Variants in AK9 observed in about 807,000 individuals in gnomAD.
The protein encoded by AK9 is adenylate kinase domain containing 1.
In AK9, 191 loss-of-function variants were observed where a neutral mutation model predicts 239.6. The observed-to-expected ratio is 0.80, with a 90% CI of 0.71 to 0.90. The LOEUF is 0.90. Ranked by LOEUF, AK9 falls within the 40% of genes least tolerant of loss-of-function variation. AK9 has a pLI of 0.00. For missense variants in AK9, 1,995 were observed against 2,214.7 expected (o/e 0.90, Z 1.99); for synonymous variants, 689 against 721.0 (o/e 0.96, Z 0.71).
chr6:109,618,527 G>A (rs1794451260), intron 13 of AK9, among the ~76,000 whole-genome samples: 2 of 152,036 alleles, frequency 1.3e-5, no homozygotes, highest in African/African-American at 4.8e-5. Context: ...AGACCACCAG[G>A]ACTTTGGAAA....
intron 15 of AK9, among the ~76,000 whole-genome samples, chr6:109,613,698 T>C (rs1793834618): frequency 1.3e-5 from 2 of 151,300 alleles, no homozygotes; most frequent in Admixed American, 1.3e-4. Context: ...AGCTATTCTA[T>C]AATATATTAC....
At chr6:109,639,353 G>T (rs184477600) in intron 10 of AK9, among the ~76,000 whole-genome samples, 54 of 152,326 alleles carry the variant, frequency 3.5e-4, no homozygotes, top group African/African-American at 1.2e-3. Context: ...TCTAACTGGT[G>T]TGAGATGGTA....
At chr6:109,561,541 T>C (rs1034323519) in intron 24 of AK9, among the ~76,000 whole-genome samples, 2 of 151,658 alleles carry the variant, frequency 1.3e-5, no homozygotes, top group African/African-American at 4.8e-5. Context: ...CTTGAACTCC[T>C]GAGCTGAAGT....
chr6:109,531,041 C>CA (rs1554244695), intron 28 of AK9, among the ~76,000 whole-genome samples: 32 of 144,408 alleles, frequency 2.2e-4, no homozygotes, highest in Admixed American at 6.4e-4. Context: ...GACTCCGTCT[C>CA]AAAAGAAAAG....
At position 109,571,146 on chromosome 6, in the gene AK9, G is replaced by T. The variant is rs148411448; in HGVS notation, c.2344+2296C>A. Among the ~76,000 whole-genome samples, 505 of 152,306 alleles carry T rather than the reference G, an allele frequency of 3.3e-3. 5 individuals carry two copies. Among genetic ancestry groups the T allele is most frequent in the African/African-American group, 0.011 (472 of 41,578 alleles). ...AAAAGTTGCTCAAAGATGTAGACCAGATGACTAAGAGATGAATCAAAATTA... is the reference window on the plus strand; with the variant it reads ...AAAAGTTGCTCAAAGATGTAGACCATATGACTAAGAGATGAATCAAAATTA... On this transcript the variant is annotated intron_variant, in intron 21 of 40. Transcript: ENST00000424296.
rs1229046318 is a variant in AK9, at chr6:109,555,611, A to G, written c.2752-5309T>C. 3.9e-5 allele frequency among the ~76,000 whole-genome samples: 6 copies of G among 152,334 alleles called. No homozygotes were observed. The South Asian group carries it at 1.0e-3, about 26-fold the overall frequency. On this transcript the variant is annotated intron_variant, in intron 24 of 40. Transcript: ENST00000424296. ...GATCTAATACTGACAATGGGGTGTT[A>G]AAGTCTCCCACTATTATTGTGTGGG...
rs57215335 is a variant in AK9 at position 109,682,426 on chromosome 6, C to CAA, written c.-11-6672_-11-6671dup. ...TGGGTGACAGAGCAAGACTCCGTCT[C>CAA]AAAAAAAAAAAAAAAAAATCAATGA... On this transcript the variant is annotated intron_variant, in intron 1 of 40. Transcript: ENST00000424296. Among the ~76,000 whole-genome samples, 8 of 68,532 alleles carry CAA rather than the reference C, an allele frequency of 1.2e-4. 1 individual carries two copies. Among genetic ancestry groups the CAA allele is most frequent in the African/African-American group, 1.9e-4 (3 of 15,584 alleles). The allele number at this position is 68,532 out of a possible 152,430, so 45.0% of individuals were successfully genotyped here. A position where few individuals can be genotyped will look rare whatever the true frequency, so the allele number is the denominator to read the frequency against.
intron 17 of AK9, among the ~76,000 whole-genome samples, chr6:109,603,056 C>T (rs1408339820): frequency 1.3e-5 from 2 of 152,308 alleles, no homozygotes; most frequent in Non-Finnish European, 2.9e-5. Context: ...TTGTCTGAAG[C>T]CTTCTTCTCT....
intron 17 of AK9, among the ~76,000 whole-genome samples, chr6:109,607,669 T>C (rs1161307987): frequency 1.3e-5 from 2 of 152,094 alleles, no homozygotes; most frequent in Non-Finnish European, 2.9e-5. Flanking sequence ...ACAAATATTT[T>C]ATGTTCATGG....
chr6:109,641,458 T>G, intron 10 of AK9, 60 bp downstream of exon 10: 1 of 1,372,352 alleles, frequency 7.3e-7, no homozygotes, highest in Non-Finnish European at 1.0e-6. Flanking sequence ...TGTGAGCCAC[T>G]GCACCCTGCC....
At position 109,667,810 on chromosome 6, in the gene AK9, C is replaced by T. The variant is rs570583503; in HGVS notation, c.331+4109G>A. 2.8e-4 allele frequency among the ~76,000 whole-genome samples: 43 copies of T among 152,316 alleles called. 2 individuals are homozygous for T. In the South Asian group the frequency reaches 8.3e-3, roughly 29 times the overall value. ...CTTAATCCAGTCTATCATCGTTGGA[C>T]ATCTGGGTTGGTTCCAAGTCTTTGC... On this transcript the variant is annotated intron_variant, in intron 5 of 40. Transcript: ENST00000424296.
At chr6:109,673,205 T>TTG (rs1279728222) in intron 3 of AK9, among the ~76,000 whole-genome samples, 7 of 151,264 alleles carry the variant, frequency 4.6e-5, no homozygotes, top group South Asian at 2.1e-4. Flanking sequence ...ACTTTTAGAG[T>TTG]TGTGTGTGTG....
chr6:109,618,646 T>G (rs1794465801), intron 13 of AK9, among the ~76,000 whole-genome samples: 1 of 152,150 alleles, frequency 6.6e-6, no homozygotes, highest in South Asian at 2.1e-4. Flanking sequence ...GGGTGTTAAG[T>G]GATCACAAAG....
At chr6:109,677,154 C>G (rs944277677) in intron 1 of AK9, among the ~76,000 whole-genome samples, 21 of 152,062 alleles carry the variant, frequency 1.4e-4, no homozygotes, top group African/African-American at 4.1e-4. Flanking sequence ...TGCTTATTAT[C>G]TGAGTGATGA....
intron 10 of AK9, among the ~76,000 whole-genome samples, chr6:109,637,512 A>G (rs902590298): frequency 6.6e-6 from 1 of 152,116 alleles, no homozygotes; most frequent in Non-Finnish European, 1.5e-5. Context: ...TTCTACTGAT[A>G]GTGCTGATGC....
At chr6:109,684,455 A>T (rs1396269682) in intron 1 of AK9, among the ~76,000 whole-genome samples, 1 of 152,198 alleles carries the variant, frequency 6.6e-6, no homozygotes, top group African/African-American at 2.4e-5. Context: ...ATCAGAGTGA[A>T]CAGGCAACCT....
intron 19 of AK9, among the ~76,000 whole-genome samples, 175 bp from the exon 20 acceptor site, chr6:109,579,801 T>A (rs1246948486): frequency 6.6e-6 from 1 of 152,166 alleles, no homozygotes; most frequent in Non-Finnish European, 1.5e-5. Flanking sequence ...CATTTTCTTC[T>A]GGGGGAGAAA....
intron 16 of AK9, among the ~76,000 whole-genome samples, chr6:109,611,162 G>C (rs1793534000): frequency 6.6e-6 from 1 of 152,120 alleles, no homozygotes; most frequent in African/African-American, 2.4e-5. Context: ...CTGCCTCAGG[G>C]CTCCAACTGT....
intron 10 of AK9, 68 bp downstream of exon 10, chr6:109,641,450 T>G (rs547002642): frequency 2.3e-6 from 3 of 1,283,242 alleles, no homozygotes; most frequent in South Asian, 1.3e-5. Context: ...ATTACAGGTG[T>G]GAGCCACTGC....
Sources: allele counts gnomAD v4.1 joint callset (sites outside exome capture counted in the v4.1 genomes callset), GRCh38; gene constraint gnomAD v4.1.1; transcripts MANE v1.5; gene names NCBI Gene and HGNC (gene_info 2026-07-23, HGNC 2026-07-21).